CHP1: variants seen among roughly 807,000 people sequenced by gnomAD.
CHP1 encodes the protein calcineurin like EF-hand protein 1, also known as calcineurin B homologous protein 1.
CHP1 carries 11 observed loss-of-function variants against 27.4 expected under a neutral mutation model. That is an observed-to-expected ratio of 0.40 (90% CI 0.25 to 0.67). CHP1 has a LOEUF of 0.67. Among genes scored for constraint, CHP1 ranks in the 30% least tolerant of loss-of-function variants. The pLI, the probability that CHP1 is intolerant of heterozygous loss-of-function variation, is 0.38. For missense variants in CHP1, 169 were observed against 251.3 expected (o/e 0.67, Z 2.22); for synonymous variants, 89 against 87.4 (o/e 1.02, Z -0.10).
At chr15:41,248,843 C>T (rs1259667111) in intron 2 of CHP1, among the ~76,000 whole-genome samples, 1 of 152,166 alleles carries the variant, frequency 6.6e-6, no homozygotes, top group Non-Finnish European at 1.5e-5. Context: ...ACATAGTAAA[C>T]GAGTAATATA....
rs182035697 is a variant in CHP1 at position 41,252,358 on chromosome 15, G to A, written c.141-4552G>A. On this transcript the variant is annotated intron_variant, in intron 2 of 6. Transcript: ENST00000334660. The stretch of plus-strand genomic sequence containing the variant: ...TGATTTTTGTATTTTTAGTAGAGAC[G>A]GGGTTTTACCATCTTGGCCAGGCTC... 2.0e-3 allele frequency among the ~76,000 whole-genome samples: 299 copies of A among 151,282 alleles called. 1 individual carries two copies. Among genetic ancestry groups the A allele is most frequent in the African/African-American group, 6.5e-3 (269 of 41,192 alleles).
At chr15:41,244,692 G>C (rs1304441849) in intron 2 of CHP1, among the ~76,000 whole-genome samples, 1 of 152,174 alleles carries the variant, frequency 6.6e-6, no homozygotes, top group Non-Finnish European at 1.5e-5. Flanking sequence ...GATGTCGGTA[G>C]TGCCAAAATT....
intron 2 of CHP1, among the ~76,000 whole-genome samples, chr15:41,246,624 C>CTTTTTTT (rs561426550): frequency 3.5e-5 from 2 of 57,284 alleles, no homozygotes; most frequent in Non-Finnish European, 6.4e-5. Flanking sequence ...GGCCAAAAAG[C>CTTTTTTT]TTTTTTTTTT....
intron 3 of CHP1, among the ~76,000 whole-genome samples, chr15:41,257,440 C>A (rs969116899): frequency 4.6e-5 from 7 of 151,660 alleles, no homozygotes; most frequent in African/African-American, 1.7e-4. Flanking sequence ...TTTACATTTT[C>A]TAGTAACCAC....
chr15:41,238,360 T>A (rs1441551298), intron 1 of CHP1, among the ~76,000 whole-genome samples: 1 of 151,860 alleles, frequency 6.6e-6, no homozygotes, highest in Non-Finnish European at 1.5e-5. Context: ...GAAGTCTTGC[T>A]TTGTTGCCCA....
intron 6 of CHP1, 83 bp from the exon 7 acceptor site, chr15:41,279,253 G>A (rs990089367): frequency 1.1e-5 from 13 of 1,136,126 alleles, no homozygotes; most frequent in African/African-American, 1.6e-5. Context: ...CAGGAGGAAG[G>A]GGGGAAAACA....
chr15:41,256,365 C>A (rs935324798), intron 2 of CHP1, among the ~76,000 whole-genome samples: 1 of 152,136 alleles, frequency 6.6e-6, no homozygotes, highest in African/African-American at 2.4e-5. Flanking sequence ...GTCCACAGAA[C>A]ATGGAAATGG....
At chr15:41,271,351 C>G (rs1028852803) in intron 5 of CHP1, among the ~76,000 whole-genome samples, 1 of 151,934 alleles carries the variant, frequency 6.6e-6, no homozygotes, top group African/African-American at 2.4e-5. Flanking sequence ...TCGCTTGAAC[C>G]CAGGAGGTGG....
At chr15:41,256,061 G>T (rs1471248226) in intron 2 of CHP1, among the ~76,000 whole-genome samples, 1 of 152,074 alleles carries the variant, frequency 6.6e-6, no homozygotes, top group African/African-American at 2.4e-5. Flanking sequence ...TTTAGAAAAA[G>T]AACACATACT....
At chr15:41,276,589 A>C (rs1444519060) in intron 5 of CHP1, among the ~76,000 whole-genome samples, 1 of 152,196 alleles carries the variant, frequency 6.6e-6, no homozygotes, top group African/African-American at 2.4e-5. Context: ...TTTAAGACAG[A>C]TTTGGTGAAA....
chr15:41,234,997 A>T lies in CHP1; in HGVS notation c.67+3548A>T, dbSNP rs556361917. Among the ~76,000 whole-genome samples the T allele has an allele frequency of 7.9e-5, 12 of 152,336 alleles. No homozygotes were observed. The South Asian group carries it at 2.5e-3, about 32-fold the overall frequency. On this transcript the variant is annotated intron_variant, in intron 1 of 6. Transcript: ENST00000334660. ...TTTTTAAAGGAGTTTTTAACAGTTT[A>T]TGAAACTGTTATGATGTTTTAACAG...
intron 3 of CHP1, among the ~76,000 whole-genome samples, chr15:41,261,008 C>G (rs1205568376): frequency 6.6e-6 from 1 of 151,298 alleles, no homozygotes; most frequent in Non-Finnish European, 1.5e-5. Flanking sequence ...CCTCAGCCTC[C>G]CAAATAACTG....
rs369072304 is a variant in CHP1 at position 41,279,258 on chromosome 15, A to G, written c.535-78A>G. The stretch of plus-strand genomic sequence containing the variant: ...TTTTACTGCACAGGAGGAAGGGGGG[A>G]AAACATTACTCAGATAAGAGCTTGG... On this transcript the variant is annotated intron_variant, in intron 6 of 6. Coordinates refer to ENST00000334660, the MANE Select transcript of CHP1 (RefSeq NM_007236.5). 7.1e-5 allele frequency: 84 copies of G among 1,180,898 alleles called. No individual in the cohort carries two copies. The African/African-American group carries it at 9.4e-4, about 13-fold the overall frequency. 73.2% of individuals were successfully genotyped at this position (1,180,898 alleles called of 1,614,324 possible).
chr15:41,272,641 G>A (rs946991933), intron 5 of CHP1, among the ~76,000 whole-genome samples: 4 of 151,896 alleles, frequency 2.6e-5, no homozygotes, highest in East Asian at 1.9e-4. Context: ...GGCTGGTCTC[G>A]AACTCTTGGG....
chr15:41,241,388 T>C (rs1456777569), intron 1 of CHP1, among the ~76,000 whole-genome samples: 1 of 152,230 alleles, frequency 6.6e-6, no homozygotes. Flanking sequence ...CTGGAGTGCT[T>C]GCCATGTGCC....
chr15:41,274,821 C>T (rs537152624), intron 5 of CHP1, among the ~76,000 whole-genome samples: 1 of 138,556 alleles, frequency 7.2e-6, no homozygotes, highest in South Asian at 2.3e-4. Context: ...GATGGAGTCT[C>T]GCTCTGTTGC....
rs563330222 is a variant in CHP1 at position 41,260,823 on chromosome 15, T to TA, written c.222-1924dup. Among the ~76,000 whole-genome samples the TA allele has an allele frequency of 4.0e-3, 601 of 150,750 alleles. 4 individuals are homozygous for TA. The highest frequency in any genetic ancestry group is 0.013 in the African/African-American group (525 of 41,168). ...ATTGATTGGAGAAATGCTTAAAAGT[T>TA]AAAAAAAAAGGCAGGATACTAATAC... is the stretch of plus-strand genomic sequence containing the variant. On this transcript the variant is annotated intron_variant, in intron 3 of 6. Transcript: ENST00000334660.
chr15:41,259,231 T>C (rs2047418761), intron 3 of CHP1, among the ~76,000 whole-genome samples: 1 of 152,176 alleles, frequency 6.6e-6, no homozygotes, highest in African/African-American at 2.4e-5. Context: ...AGAGTCACTT[T>C]GCCAACTTTT....
chr15:41,269,456 T>A (rs1273233524), intron 4 of CHP1, among the ~76,000 whole-genome samples: 2 of 152,178 alleles, frequency 1.3e-5, no homozygotes, highest in Non-Finnish European at 2.9e-5. Flanking sequence ...TAATAATCGC[T>A]CTGCCTGGAA....
Sources: gnomAD v4.1 joint callset for allele counts (sites outside exome capture counted in the v4.1 genomes callset) on GRCh38, gnomAD v4.1.1 for gene constraint, MANE v1.5 for transcripts, NCBI Gene and HGNC (gene_info 2026-07-23, HGNC 2026-07-21) for gene names.